Variants in E2F7 observed in about 807,000 individuals in gnomAD.
E2F7 encodes the protein E2F transcription factor 7.
A neutral mutation model predicts 81.1 loss-of-function variants in E2F7; 35 were observed. That is an observed-to-expected ratio of 0.43 (90% CI 0.33 to 0.57). E2F7 has a LOEUF of 0.57. E2F7 is among the 20% of genes least tolerant of loss of function. The pLI, the probability that E2F7 is intolerant of heterozygous loss-of-function variation, is 0.04. For synonymous variants in E2F7, 416 were observed against 416.2 expected (o/e 1.00, Z 0.01); for missense variants, 961 against 1,093.7 (o/e 0.88, Z 1.71).
At chr12:77,060,054 C>G (rs1265299911) in intron 2 of E2F7, among the ~76,000 whole-genome samples, 1 of 151,714 alleles carries the variant, frequency 6.6e-6, no homozygotes, top group Non-Finnish European at 1.5e-5. Context: ...GTCATTTCCA[C>G]TGTGACTGTA....
chr12:77,035,979 AT>A (rs1954846145), intron 7 of E2F7, among the ~76,000 whole-genome samples: 1 of 151,458 alleles, frequency 6.6e-6, no homozygotes, highest in Non-Finnish European at 1.5e-5. Flanking sequence ...AATAAAGAAT[AT>A]GAATAAATGA....
At chr12:77,029,249 G>C (rs556942400) in intron 10 of E2F7, among the ~76,000 whole-genome samples, 2 of 152,314 alleles carry the variant, frequency 1.3e-5, no homozygotes, top group East Asian at 3.9e-4. Context: ...ACCTACTGCA[G>C]ACCACTGTAA....
chr12:77,056,636 C>T (rs966649328), intron 2 of E2F7, among the ~76,000 whole-genome samples: 17 of 152,160 alleles, frequency 1.1e-4, no homozygotes, highest in Admixed American at 8.5e-4. Context: ...TCTCTAACGT[C>T]ATTCTCCAGA....
chr12:77,039,641 A>C (rs1211919371), intron 7 of E2F7, among the ~76,000 whole-genome samples: 2 of 152,220 alleles, frequency 1.3e-5, no homozygotes, highest in African/African-American at 4.8e-5. Context: ...GGCTAAAATT[A>C]AAAAGACTGA....
At chr12:77,045,959 C>A in intron 5 of E2F7, 79 bp downstream of exon 5, 4 of 1,537,088 alleles carry the variant, frequency 2.6e-6, no homozygotes, top group Non-Finnish European at 3.5e-6. Flanking sequence ...TGGCACTTCC[C>A]ATCTGAGCAG....
intron 4 of E2F7, among the ~76,000 whole-genome samples, chr12:77,048,110 T>C (rs1166347420): frequency 6.6e-6 from 1 of 152,166 alleles, no homozygotes; most frequent in African/African-American, 2.4e-5. Context: ...AGTGAGTGTT[T>C]AGTAGGTGCT....
chr12:77,041,573 TTCTG>T (rs760468546), intron 7 of E2F7, among the ~76,000 whole-genome samples: 2 of 152,200 alleles, frequency 1.3e-5, no homozygotes, highest in Non-Finnish European at 2.9e-5. Flanking sequence ...TCTTGGTTAA[TTCTG>T]TCTATCACAT....
At chr12:77,048,243 C>T (rs139460290) in intron 4 of E2F7, among the ~76,000 whole-genome samples, 77 of 152,300 alleles carry the variant, frequency 5.1e-4, no homozygotes, top group African/African-American at 1.6e-3. Context: ...TCTCAAGACC[C>T]GTAGGTTACT....
rs766809571 is a variant in E2F7 at position 77,027,878 on chromosome 12, C to T, written c.2140+5G>A. 4.3e-6 allele frequency: 7 copies of T among 1,613,588 alleles called. No homozygotes were observed. In the African/African-American group the frequency reaches 9.4e-5, roughly 22 times the overall value. Reference sequence around the variant, plus strand: ...GGGACTCTAAGACATGATGACATCCCTTACCTGCAGGAGACTGCACACAAA... The same window carrying T: ...GGGACTCTAAGACATGATGACATCCTTTACCTGCAGGAGACTGCACACAAA... On this transcript the variant is annotated splice_donor_5th_base_variant and intron_variant, in intron 11 of 12. Coordinates refer to ENST00000322886, the MANE Select transcript of E2F7 (RefSeq NM_203394.3).
chr12:77,038,977 A>T (rs1954875225), intron 7 of E2F7, among the ~76,000 whole-genome samples: 1 of 152,260 alleles, frequency 6.6e-6, no homozygotes, highest in Admixed American at 6.5e-5. Context: ...ACTACTTCCC[A>T]GCTTGTTTTA....
chr12:77,050,412 T>C (rs1219669647), intron 4 of E2F7, among the ~76,000 whole-genome samples, 164 bp downstream of exon 4: 1 of 152,208 alleles, frequency 6.6e-6, no homozygotes, highest in Non-Finnish European at 1.5e-5. Flanking sequence ...TGAAATTCCA[T>C]GTATAATGAA....
chr12:77,023,989 C>A lies in E2F7; in HGVS notation c.*26G>T. 1 of 1,609,250 alleles carries A rather than the reference C, an allele frequency of 6.2e-7. No homozygotes were observed. The highest frequency in any genetic ancestry group is 1.3e-5 in the African/African-American group (1 of 74,750). On this transcript the variant is annotated 3_prime_UTR_variant, in exon 13 of 13. Transcript: ENST00000322886. ...TCCGGGACTCTCAGGGCGTTTGATCCCACCCCCACCTGGCAAAGCGGCAGG... is the reference window on the plus strand; with the variant it reads ...TCCGGGACTCTCAGGGCGTTTGATCACACCCCCACCTGGCAAAGCGGCAGG...
chr12:77,030,391 C>T, intron 9 of E2F7, 59 bp from the exon 10 acceptor site: 1 of 1,503,678 alleles, frequency 6.7e-7, no homozygotes, highest in Non-Finnish European at 8.9e-7. Flanking sequence ...TGACCCTTTA[C>T]TTTCCCAAAG....
intron 10 of E2F7, among the ~76,000 whole-genome samples, chr12:77,028,815 C>T (rs370735059): frequency 6.6e-5 from 10 of 152,318 alleles, no homozygotes; most frequent in East Asian, 3.9e-4. Flanking sequence ...ATATTGCTAA[C>T]ACATAAAGGT....
intron 9 of E2F7, among the ~76,000 whole-genome samples, chr12:77,032,778 G>A (rs933693259): frequency 5.9e-5 from 9 of 152,006 alleles, no homozygotes; most frequent in African/African-American, 2.2e-4. Flanking sequence ...CATTTCTCAG[G>A]GTCATGTTAA....
intron 7 of E2F7, among the ~76,000 whole-genome samples, chr12:77,035,276 G>C (rs1437190184): frequency 6.6e-6 from 1 of 152,152 alleles, no homozygotes; most frequent in Non-Finnish European, 1.5e-5. Flanking sequence ...GGAGAGGGGA[G>C]CTATACAGAA....
chr12:77,029,284 T>G (rs542748250), intron 10 of E2F7, among the ~76,000 whole-genome samples: 1 of 152,226 alleles, frequency 6.6e-6, no homozygotes, highest in African/African-American at 2.4e-5. Context: ...CTTTCTGGAT[T>G]TACTGGTCAT....
At chr12:77,056,612 C>G (rs1955035075) in intron 2 of E2F7, among the ~76,000 whole-genome samples, 1 of 152,202 alleles carries the variant, frequency 6.6e-6, no homozygotes, top group African/African-American at 2.4e-5. Flanking sequence ...ACATTTTAAG[C>G]CAACCTAGAG....
At chr12:77,058,486 A>C (rs1478898997) in intron 2 of E2F7, among the ~76,000 whole-genome samples, 1 of 152,160 alleles carries the variant, frequency 6.6e-6, no homozygotes, top group African/African-American at 2.4e-5. Context: ...GGAGGAAGTT[A>C]TCTTTTCCAC....
Sources: allele counts gnomAD v4.1 joint callset (sites outside exome capture counted in the v4.1 genomes callset), GRCh38; gene constraint gnomAD v4.1.1; transcripts MANE v1.5; gene names NCBI Gene and HGNC (gene_info 2026-07-23, HGNC 2026-07-21).